Variants in MGAT4A observed in about 807,000 individuals in gnomAD.
The protein encoded by MGAT4A is alpha-1,3-mannosyl-glycoprotein 4-beta-N-acetylglucosaminyltransferase A, also known as N-acetylglucosaminyltransferase IVa.
Under a neutral mutation model 74.1 loss-of-function variants are expected in MGAT4A, and 33 were observed. That is an observed-to-expected ratio of 0.45 (90% CI 0.34 to 0.60). The LOEUF (loss-of-function observed/expected upper bound fraction) is 0.60, where lower values mean the gene tolerates loss of function less well. Ranked by LOEUF, MGAT4A falls within the 20% of genes least tolerant of loss-of-function variation. The pLI is 0.02. For synonymous variants in MGAT4A, 198 were observed against 210.4 expected, an observed-to-expected ratio of 0.94 and a Z score of 0.51; for missense variants, 479 against 628.3, an observed-to-expected ratio of 0.76 and a Z score of 2.54.
At chr2:98,699,062 T>A (rs1005335094) in intron 2 of MGAT4A, among the ~76,000 whole-genome samples, 1 of 152,204 alleles carries the variant, frequency 6.6e-6, no homozygotes, top group African/African-American at 2.4e-5. Context: ...ACCATTGAGT[T>A]GCAGCACAGG....
intron 9 of MGAT4A, among the ~76,000 whole-genome samples, chr2:98,644,688 C>A (rs1445428708): frequency 6.6e-6 from 1 of 151,456 alleles, no homozygotes; most frequent in African/African-American, 2.4e-5. Flanking sequence ...GGCTGGAATG[C>A]AGGGGCGCGA....
intron 8 of MGAT4A, among the ~76,000 whole-genome samples, chr2:98,646,613 AG>A (rs1164914463): frequency 6.6e-6 from 1 of 152,184 alleles, no homozygotes; most frequent in Non-Finnish European, 1.5e-5. Context: ...AGGCTAAGGC[AG>A]GAGGATCACT....
At chr2:98,717,778 G>A (rs1351384751) in intron 2 of MGAT4A, among the ~76,000 whole-genome samples, 3 of 151,980 alleles carry the variant, frequency 2.0e-5, no homozygotes, top group Admixed American at 6.6e-5. Context: ...CCTACACTAC[G>A]GCAAGGATAT....
In MGAT4A at chr2:98,645,410, G is replaced by T; in HGVS notation, c.889+18C>A. On this transcript the variant is annotated intron_variant, in intron 9 of 15. Coordinates refer to ENST00000393487, the MANE Select transcript of MGAT4A (RefSeq NM_012214.3). Reference sequence around the variant, plus strand: ...ACAGTTATTTATGAAAAGTAGGTAAGTGTGACACTTTTCTTACCAATGAAG... The same window carrying T: ...ACAGTTATTTATGAAAAGTAGGTAATTGTGACACTTTTCTTACCAATGAAG... 1.3e-6 allele frequency: 2 copies of T among 1,492,048 alleles called. No individual in the cohort carries two copies. The highest frequency in any genetic ancestry group is 1.8e-6 in the Non-Finnish European group (2 of 1,105,992). The allele number at this position is 1,492,048 out of a possible 1,614,324, so 92.4% of individuals were successfully genotyped here. A position where few individuals can be genotyped will look rare whatever the true frequency, so the allele number is the denominator to read the frequency against.
intron 1 of MGAT4A, among the ~76,000 whole-genome samples, chr2:98,730,838 C>T: frequency 6.8e-6 from 1 of 147,258 alleles, no homozygotes; most frequent in Non-Finnish European, 1.5e-5. Flanking sequence ...CCGGAGCCGG[C>T]CCCGCGCCCA....
chr2:98,696,852 A>G (rs1369573964), intron 2 of MGAT4A, among the ~76,000 whole-genome samples: 2 of 152,228 alleles, frequency 1.3e-5, no homozygotes, highest in Admixed American at 6.5e-5. Flanking sequence ...CCATACATTA[A>G]GAAACGGGTG....
chr2:98,730,542 C>A (rs961668135), intron 1 of MGAT4A, among the ~76,000 whole-genome samples: 1 of 152,194 alleles, frequency 6.6e-6, no homozygotes, highest in Non-Finnish European at 1.5e-5. Context: ...CCGTCCGGCC[C>A]CGCCCACCTG....
chr2:98,689,094 T>C (rs1186058443), intron 2 of MGAT4A, among the ~76,000 whole-genome samples: 1 of 152,186 alleles, frequency 6.6e-6, no homozygotes, highest in Non-Finnish European at 1.5e-5. Context: ...GTGACATAAA[T>C]CACCACTATT....
chr2:98,638,449 T>C (rs972105649), intron 12 of MGAT4A, among the ~76,000 whole-genome samples: 1 of 152,244 alleles, frequency 6.6e-6, no homozygotes, highest in Admixed American at 6.5e-5. Context: ...TACATACTAA[T>C]CTACGTCAAT....
chr2:98,622,576 C>G lies in MGAT4A; in HGVS notation c.*2990G>C, dbSNP rs1430356920. The G allele has an allele frequency of 1.0e-6, 1 of 985,354 alleles. No homozygotes were observed. The allele number at this position is 985,354 out of a possible 1,614,324, so 61.0% of individuals were successfully genotyped here. On this transcript the variant is annotated 3_prime_UTR_variant, in exon 16 of 16. Coordinates refer to ENST00000393487, the MANE Select transcript of MGAT4A (RefSeq NM_012214.3). ...CCTCCCTTAATCTTCTGCCCTCACACTGCTCTTAAGGGCGACCACTACAAT... is the reference window on the plus strand; with the variant it reads ...CCTCCCTTAATCTTCTGCCCTCACAGTGCTCTTAAGGGCGACCACTACAAT...
intron 2 of MGAT4A, among the ~76,000 whole-genome samples, chr2:98,721,591 G>A (rs562875792): frequency 6.6e-6 from 1 of 152,062 alleles, no homozygotes; most frequent in East Asian, 1.9e-4. Context: ...TATATTGTTT[G>A]GTTTGCAACA....
At chr2:98,716,435 T>C (rs1575282387) in intron 2 of MGAT4A, among the ~76,000 whole-genome samples, 2 of 152,144 alleles carry the variant, frequency 1.3e-5, no homozygotes, top group South Asian at 4.1e-4. Context: ...CTGGACAACA[T>C]AGAGAAACTC....
intron 10 of MGAT4A, among the ~76,000 whole-genome samples, chr2:98,642,419 G>A (rs1701423968): frequency 6.6e-6 from 1 of 152,208 alleles, no homozygotes; most frequent in Non-Finnish European, 1.5e-5. Context: ...TCTAGGGGAA[G>A]CAACTGAAGA....
chr2:98,678,057 G>A (rs1203600084), intron 3 of MGAT4A, among the ~76,000 whole-genome samples: 4 of 149,934 alleles, frequency 2.7e-5, no homozygotes, highest in South Asian at 4.2e-4. Flanking sequence ...GTGAAACCCC[G>A]TCTCTACTAA....
intron 2 of MGAT4A, chr2:98,725,834 T>C (rs1559178162): frequency 4.2e-6 from 1 of 240,532 alleles, no homozygotes; most frequent in Admixed American, 5.5e-5. Context: ...AATTAGCATG[T>C]AAATCTCACG....
At chr2:98,633,474 G>GT (rs1325087745) in intron 14 of MGAT4A, among the ~76,000 whole-genome samples, 1 of 152,264 alleles carries the variant, frequency 6.6e-6, no homozygotes, top group South Asian at 2.1e-4. Flanking sequence ...ATTTAAAATA[G>GT]TTTTTTAAAA....
intron 2 of MGAT4A, among the ~76,000 whole-genome samples, chr2:98,681,006 G>A (rs867287558): frequency 6.6e-6 from 1 of 152,022 alleles, no homozygotes; most frequent in Non-Finnish European, 1.5e-5. Context: ...TTTTTGAGAC[G>A]GAGTCTCGCT....
chr2:98,724,525 G>T (rs772316672), intron 2 of MGAT4A, among the ~76,000 whole-genome samples: 1 of 152,224 alleles, frequency 6.6e-6, no homozygotes, highest in African/African-American at 2.4e-5. Context: ...TTGCAAAGAA[G>T]AATTATGGAG....
chr2:98,645,411 T>C lies in MGAT4A; in HGVS notation c.889+17A>G. On this transcript the variant is annotated intron_variant, in intron 9 of 15. Transcript: ENST00000393487. ...CAGTTATTTATGAAAAGTAGGTAAG[T>C]GTGACACTTTTCTTACCAATGAAGC... 1 of 1,495,618 alleles carries C rather than the reference T, an allele frequency of 6.7e-7. No individual in the cohort carries two copies. Among genetic ancestry groups the C allele is most frequent in the Non-Finnish European group, 9.0e-7 (1 of 1,109,076 alleles). 92.6% of individuals were successfully genotyped at this position (1,495,618 alleles called of 1,614,324 possible). A position where few individuals can be genotyped will look rare whatever the true frequency, so the allele number is the denominator to read the frequency against.
Sources: gnomAD v4.1 joint callset for allele counts (sites outside exome capture counted in the v4.1 genomes callset) on GRCh38, gnomAD v4.1.1 for gene constraint, MANE v1.5 for transcripts, NCBI Gene and HGNC (gene_info 2026-07-23, HGNC 2026-07-21) for gene names.